The following EPHA6 variants were observed in gnomAD, a reference collection of about 807,000 sequenced individuals.
The protein encoded by EPHA6 is ephrin type-A receptor 6.
Under a neutral mutation model 112.0 loss-of-function variants are expected in EPHA6, and 50 were observed. That is an observed-to-expected ratio of 0.45 (90% CI 0.36 to 0.56). The LOEUF (loss-of-function observed/expected upper bound fraction) is 0.56, where lower values mean the gene tolerates loss of function less well. Ranked by LOEUF, EPHA6 falls within the 20% of genes least tolerant of loss-of-function variation. The pLI, the probability that EPHA6 is intolerant of heterozygous loss-of-function variation, is 0.00. For synonymous variants in EPHA6, 529 were observed against 490.7 expected (o/e 1.08, Z -1.03); for missense variants, 1,280 against 1,417.4 (o/e 0.90, Z 1.56).
Position 96,988,007 on chromosome 3 carries a change from A to T in EPHA6, c.1114+14A>T. ...GTTCTTGCCATGGTAAGAAACAAAC[A>T]TTTAAATAATTTATCTTGCATTTAA... On this transcript the variant is annotated intron_variant, in intron 3 of 17. Transcript: ENST00000389672. 1 of 1,523,582 alleles carries T rather than the reference A, an allele frequency of 6.6e-7. No individual in the cohort carries two copies. The highest frequency in any genetic ancestry group is 1.4e-5 in the African/African-American group (1 of 71,704). 94.4% of individuals were successfully genotyped at this position (1,523,582 alleles called of 1,614,324 possible). A position where few individuals can be genotyped will look rare whatever the true frequency, so the allele number is the denominator to read the frequency against.
intron 11 of EPHA6, among the ~76,000 whole-genome samples, chr3:97,534,360 C>A (rs942582428): frequency 3.3e-5 from 5 of 151,838 alleles, no homozygotes; most frequent in African/African-American, 4.8e-5. Flanking sequence ...AACGAAGGCC[C>A]AGGCAGGTTA....
At chr3:97,467,773 A>G (rs1200111764) in intron 7 of EPHA6, among the ~76,000 whole-genome samples, 2 of 151,758 alleles carry the variant, frequency 1.3e-5, no homozygotes, top group Non-Finnish European at 3.0e-5. Context: ...AGGTGTTTAA[A>G]TGTCTCAATC....
intron 4 of EPHA6, among the ~76,000 whole-genome samples, chr3:97,241,475 C>T (rs1181782854): frequency 3.3e-5 from 5 of 151,650 alleles, no homozygotes; most frequent in Admixed American, 2.0e-4. Flanking sequence ...CAATGTGTCA[C>T]ATAATGTTTA....
chr3:97,713,020 C>A (rs2034047963), intron 14 of EPHA6, among the ~76,000 whole-genome samples: 1 of 148,812 alleles, frequency 6.7e-6, no homozygotes. Flanking sequence ...CACTGTAAAA[C>A]AAATTTCAAA....
intron 16 of EPHA6, among the ~76,000 whole-genome samples, chr3:97,746,202 T>C (rs968133919): frequency 9.2e-5 from 14 of 151,834 alleles, no homozygotes; most frequent in Non-Finnish European, 1.9e-4. Flanking sequence ...AATAACTCAG[T>C]GATTCACTTC....
intron 3 of EPHA6, among the ~76,000 whole-genome samples, chr3:97,081,076 C>T (rs952573466): frequency 1.3e-4 from 19 of 150,100 alleles, no homozygotes; most frequent in African/African-American, 3.2e-4. Context: ...CAACATAATG[C>T]CATATTCATA....
At chr3:97,679,354 T>C (rs966808790) in intron 14 of EPHA6, among the ~76,000 whole-genome samples, 2 of 152,146 alleles carry the variant, frequency 1.3e-5, no homozygotes, top group Admixed American at 1.3e-4. Context: ...AAGATAATCA[T>C]GGAAAATTAT....
chr3:97,122,371 T>A lies in EPHA6; in HGVS notation c.1115-103893T>A, dbSNP rs569362504. Among the ~76,000 whole-genome samples, 364 of 152,174 alleles carry A rather than the reference T, an allele frequency of 2.4e-3. 1 individual carries two copies. Among genetic ancestry groups the A allele is most frequent in the Non-Finnish European group, 4.2e-3 (283 of 67,970 alleles). The stretch of plus-strand genomic sequence containing the variant: ...AAATTCCTACGGTTTTCTATTGAAT[T>A]ACGTGTATTTTTAAGATATGAGATT... On this transcript the variant is annotated intron_variant, in intron 3 of 17. Coordinates refer to ENST00000389672, the MANE Select transcript of EPHA6 (RefSeq NM_001080448.3).
intron 2 of EPHA6, among the ~76,000 whole-genome samples, chr3:96,892,513 C>T (rs867951151): frequency 9.2e-5 from 14 of 152,082 alleles, no homozygotes; most frequent in Admixed American, 6.6e-5. Flanking sequence ...TGAATCACTG[C>T]GCCTGGCCAA....
At chr3:97,216,296 G>A (rs924395701) in intron 3 of EPHA6, among the ~76,000 whole-genome samples, 4 of 152,066 alleles carry the variant, frequency 2.6e-5, no homozygotes, top group Non-Finnish European at 2.9e-5. Context: ...ACCTTATCTC[G>A]CATGAACTAA....
At chr3:97,117,952 G>T (rs1229725955) in intron 3 of EPHA6, among the ~76,000 whole-genome samples, 1 of 151,698 alleles carries the variant, frequency 6.6e-6, no homozygotes, top group African/African-American at 2.4e-5. Context: ...TTCCTTTAGT[G>T]TTTGGCACAG....
chr3:97,218,232 C>T (rs60545910), intron 3 of EPHA6, among the ~76,000 whole-genome samples: 5,041 of 151,846 alleles, frequency 0.033, 259 homozygotes, highest in African/African-American at 0.11. Flanking sequence ...GATCATGCCA[C>T]TGCACTCTAG....
chr3:96,892,449 A>G (rs1048921041), intron 2 of EPHA6, among the ~76,000 whole-genome samples: 2 of 151,910 alleles, frequency 1.3e-5, no homozygotes, highest in Non-Finnish European at 2.9e-5. Context: ...TCTCAAACTC[A>G]TGACTTCAAG....
At chr3:96,901,909 A>G (rs1224319646) in intron 2 of EPHA6, among the ~76,000 whole-genome samples, 1 of 152,232 alleles carries the variant, frequency 6.6e-6, no homozygotes, top group Non-Finnish European at 1.5e-5. Flanking sequence ...TGTGAGATAT[A>G]TAGTACCAGT....
At chr3:97,598,876 C>T (rs1189072860) in intron 12 of EPHA6, among the ~76,000 whole-genome samples, 2 of 150,192 alleles carry the variant, frequency 1.3e-5, no homozygotes, top group African/African-American at 2.4e-5. Context: ...GTTTACAGTC[C>T]CACCAACAGT....
chr3:96,851,869 T>C (rs544675839), intron 1 of EPHA6, among the ~76,000 whole-genome samples: 1 of 152,260 alleles, frequency 6.6e-6, no homozygotes, highest in Non-Finnish European at 1.5e-5. Flanking sequence ...AACCAAGATC[T>C]TGCAGGGACG....
At chr3:96,931,500 G>A (rs1277129421) in intron 2 of EPHA6, among the ~76,000 whole-genome samples, 1 of 152,186 alleles carries the variant, frequency 6.6e-6, no homozygotes, top group African/African-American at 2.4e-5. Context: ...AAGCCTGGCT[G>A]GGAGCCCCCA....
chr3:96,913,214 C>A (rs868671005), intron 2 of EPHA6, among the ~76,000 whole-genome samples: 49 of 114,030 alleles, frequency 4.3e-4, no homozygotes, highest in African/African-American at 1.3e-3. Flanking sequence ...ACACACACAC[C>A]ACACACACGG....
chr3:97,240,666 T>G (rs149271418), intron 4 of EPHA6, among the ~76,000 whole-genome samples: 1 of 151,950 alleles, frequency 6.6e-6, no homozygotes, highest in East Asian at 1.9e-4. Flanking sequence ...AACTGAAATA[T>G]GGCCCTTCAG....
Sources: allele counts gnomAD v4.1 joint callset (sites outside exome capture counted in the v4.1 genomes callset), GRCh38; gene constraint gnomAD v4.1.1; transcripts MANE v1.5; gene names NCBI Gene and HGNC (gene_info 2026-07-23, HGNC 2026-07-21).